GNG3: variants seen among roughly 807,000 people sequenced by gnomAD.
The protein encoded by GNG3 is guanine nucleotide-binding protein G(I)/G(S)/G(O) subunit gamma-3.
In GNG3, 4 loss-of-function variants were observed where a neutral mutation model predicts 5.6. The observed-to-expected ratio is 0.71, with a 90% confidence interval of 0.35 to 1.63. GNG3 has a LOEUF of 1.63. Among genes scored for constraint, GNG3 ranks in the 40% most tolerant of loss-of-function variants. The pLI is 0.05. For missense variants in GNG3, 62 were observed against 96.6 expected (o/e 0.64, Z 1.50); for synonymous variants, 30 against 33.5 (o/e 0.89, Z 0.36).
Position 62,708,686 on chromosome 11 carries a change from G to A in GNG3, c.108G>A (p.Lys36=). 6.2e-7 allele frequency: 1 copy of A among 1,613,980 alleles called. No homozygotes were observed. The highest frequency in any genetic ancestry group is 2.2e-5 in the East Asian group (1 of 44,882). Residue 36 remains lysine, a synonymous_variant, in exon 3 of 3, where the codon AAG becomes AAA. Coordinates refer to ENST00000294117, the MANE Select transcript of GNG3 (RefSeq NM_012202.5). The part of the protein sequence containing the change: ...EASLCRIKVS[K]AAADLMTYCD... ...TCCTGGCTGTGTCCCAGGTGTCCAAGGCAGCAGCAGACCTGATGACTTACT... is the reference window on the plus strand; with the variant it reads ...TCCTGGCTGTGTCCCAGGTGTCCAAAGCAGCAGCAGACCTGATGACTTACT...
chr11:62,707,091 C>G, upstream of GNG3: 1 of 1,549,942 alleles, frequency 6.5e-7, no homozygotes, highest in East Asian at 2.4e-5. Flanking sequence ...TGCTGACTGT[C>G]CCCACAAGGG....
At position 62,708,722 on chromosome 11, in the gene GNG3, C is replaced by A. The variant is rs762498225; in HGVS notation, c.144C>A (p.His48Gln). The A allele has an allele frequency of 9.3e-6, 15 of 1,614,000 alleles. No individual in the cohort carries two copies. The highest frequency in any genetic ancestry group is 1.3e-5 in the Non-Finnish European group (15 of 1,179,870). The change falls in exon 3 of 3, where the codon CAC (histidine) becomes CAA (glutamine). Residue 48 changes from histidine to glutamine, a missense_variant. This residue lies in a region of GNG3 where 58 missense variants were observed against 75.4 expected (regional missense o/e 0.77). Transcript: ENST00000294117. ...AADLMTYCDA[H>Q]ACEDPLITPV... ...ACCTGATGACTTACTGTGATGCCCA[C>A]GCCTGTGAGGATCCCCTCATCACCC...
chr11:62,709,129 T>C lies in GNG3; in HGVS notation c.*323T>C, dbSNP rs1199291653. 8.3e-6 allele frequency: 4 copies of C among 481,000 alleles called. 1 individual carries two copies. Among genetic ancestry groups the C allele is most frequent in the South Asian group, 4.7e-5 (3 of 63,552 alleles). The allele number at this position is 481,000 out of a possible 1,614,324, so 29.8% of individuals were successfully genotyped here. On this transcript the variant is annotated 3_prime_UTR_variant, in exon 3 of 3. Transcript: ENST00000294117. Reference sequence around the variant, plus strand: ...GACAATGGAGAGGGATGGGCCAGGTTCTTGCTCTCAGTCTCACCTGGAGCT... The same window carrying C: ...GACAATGGAGAGGGATGGGCCAGGTCCTTGCTCTCAGTCTCACCTGGAGCT...
chr11:62,708,828 ACTC>A lies in GNG3; in HGVS notation c.*27_*29del. 3 of 1,586,418 alleles carry A rather than the reference ACTC, an allele frequency of 1.9e-6. No individual in the cohort carries two copies. Among genetic ancestry groups the A allele is most frequent in the Non-Finnish European group, 2.6e-6 (3 of 1,156,478 alleles). On this transcript the variant is annotated 3_prime_UTR_variant, in exon 3 of 3. Coordinates refer to ENST00000294117, the MANE Select transcript of GNG3 (RefSeq NM_012202.5). ...CTGAGCTCCCCTGTCCCTTCTCACA[ACTC>A]CTCCCTTTTCCCTCTCCTGGGCCCT...
At chr11:62,706,662 C>T (rs1168277529), upstream of GNG3, 2 of 476,122 alleles carry the variant, frequency 4.2e-6, no homozygotes, top group Non-Finnish European at 8.7e-6. Context: ...AGGCGGTCAT[C>T]CAGCTGGCGC....
chr11:62,707,427 G>A (rs112081021), upstream of GNG3: 50 of 699,330 alleles, frequency 7.1e-5, no homozygotes, highest in South Asian at 5.7e-4. Context: ...TTTCAAATGA[G>A]CAGGGTCCCC....
chr11:62,708,526 G>C, intron 2 of GNG3, 132 bp downstream of exon 2: 1 of 1,255,198 alleles, frequency 8.0e-7, no homozygotes. Context: ...GGGCTCTGTA[G>C]AGAGAGCTGT....
upstream of GNG3, chr11:62,706,804 A>C (rs910725023): frequency 5.2e-6 from 3 of 576,804 alleles, no homozygotes. Flanking sequence ...CCCTGTTCCC[A>C]GCGTGGTAGC....
chr11:62,707,208 C>G, upstream of GNG3: 2 of 1,551,836 alleles, frequency 1.3e-6, no homozygotes, highest in East Asian at 4.9e-5. Flanking sequence ...TCCTGACGAG[C>G]CTCTGTTGAC....
At chr11:62,708,146 T>A in intron 1 of GNG3, 149 bp from the exon 2 acceptor site, 1 of 673,288 alleles carries the variant, frequency 1.5e-6, no homozygotes, top group Non-Finnish European at 2.8e-6. Context: ...AATACAGGGA[T>A]GAGACAGTCC....
chr11:62,708,184 G>A, intron 1 of GNG3, 111 bp from the exon 2 acceptor site: 2 of 770,146 alleles, frequency 2.6e-6, no homozygotes, highest in Non-Finnish European at 2.4e-6. Flanking sequence ...AGGATAGGAG[G>A]GGAACAAAAT....
upstream of GNG3, chr11:62,707,067 T>G (rs1272584713): frequency 6.6e-6 from 10 of 1,514,738 alleles, no homozygotes; most frequent in Non-Finnish European, 9.0e-6. Context: ...GCCCACCTAT[T>G]TCCAGTATAT....
At chr11:62,708,608 A>T in intron 2 of GNG3, 70 bp from the exon 3 acceptor site, 1 of 1,593,838 alleles carries the variant, frequency 6.3e-7, no homozygotes, top group African/African-American at 1.3e-5. Flanking sequence ...AAGAGAACCC[A>T]TTTGGGGAGG....
At chr11:62,707,042 GCCC>G (rs55710428), upstream of GNG3, 145,300 of 1,343,588 alleles carry the variant, frequency 0.11, 8,840 homozygotes, top group Non-Finnish European at 0.13. Flanking sequence ...CCATCCCCCC[GCCC>G]CCTTCACGCC....
Position 62,709,008 on chromosome 11 carries a change from AC to A in GNG3, c.*206del. 1.8e-6 allele frequency: 1 copy of A among 566,514 alleles called. No homozygotes were observed. Among genetic ancestry groups the A allele is most frequent in the Non-Finnish European group, 3.2e-6 (1 of 313,638 alleles). The allele number at this position is 566,514 out of a possible 1,614,324, so 35.1% of individuals were successfully genotyped here. The stretch of plus-strand genomic sequence containing the variant: ...ACCACCTTTGTGGCCGACCCCAAGC[AC>A]CCCAGAGATATGAGGCACCCTTTGC... On this transcript the variant is annotated 3_prime_UTR_variant, in exon 3 of 3. Coordinates refer to ENST00000294117, the MANE Select transcript of GNG3 (RefSeq NM_012202.5).
intron 1 of GNG3, 145 bp from the exon 2 acceptor site, chr11:62,708,150 A>G: frequency 1.5e-6 from 1 of 680,458 alleles, no homozygotes; most frequent in African/African-American, 1.8e-5. Flanking sequence ...CAGGGATGAG[A>G]CAGTCCACTG....
upstream of GNG3, chr11:62,707,212 T>C: frequency 1.3e-6 from 2 of 1,551,378 alleles, no homozygotes; most frequent in Non-Finnish European, 1.7e-6. Context: ...GACGAGCCTC[T>C]GTTGACTCTG....
chr11:62,707,982 C>T (rs897683401), intron 1 of GNG3, 67 bp downstream of exon 1: 1 of 395,910 alleles, frequency 2.5e-6, no homozygotes, highest in Admixed American at 3.6e-5. Context: ...GTGCCCTCCT[C>T]ATCAGGGTTG....
At chr11:62,707,569 G>T, upstream of GNG3, 1 of 586,816 alleles carries the variant, frequency 1.7e-6, no homozygotes, top group Admixed American at 3.0e-5. Context: ...TGCAATGGGG[G>T]AGGGGCAGGC....
Sources: allele counts gnomAD v4.1 joint callset, GRCh38; gene constraint gnomAD v4.1.1; regional missense constraint gnomAD v4.1.1; transcripts MANE v1.5; gene names NCBI Gene and HGNC (gene_info 2026-07-23, HGNC 2026-07-21).